NAV2: variants seen among roughly 807,000 people sequenced by gnomAD.
The protein encoded by NAV2 is helicase, APC down-regulated 1.
Under a neutral mutation model 223.2 loss-of-function variants are expected in NAV2, and 54 were observed. The ratio of observed to expected loss-of-function variants is 0.24; its 90% CI spans 0.19 to 0.30. NAV2 has a LOEUF of 0.30. Ranked by LOEUF, NAV2 falls within the 10% of genes least tolerant of loss-of-function variation. The pLI is 1.00. For synonymous variants in NAV2, 1,279 were observed against 1,239.3 expected (o/e 1.03, Z -0.67); for missense variants, 2,806 against 3,147.5 (o/e 0.89, Z 2.60).
intron 1 of NAV2, among the ~76,000 whole-genome samples, chr11:19,789,042 C>T (rs1484742823): frequency 6.6e-6 from 1 of 152,098 alleles, no homozygotes; most frequent in African/African-American, 2.4e-5. Context: ...CACTGAGAGG[C>T]ATAAGATAGG....
chr11:19,552,408 T>C (rs7947763), intron 1 of NAV2, among the ~76,000 whole-genome samples: 151,315 of 152,278 alleles, frequency 0.99, 75,183 homozygotes, highest in East Asian at 1. Context: ...AACCCAGGGG[T>C]TGTTCCATCG....
At chr11:19,359,470 T>C (rs1015119662) in intron 1 of NAV2, among the ~76,000 whole-genome samples, 1 of 152,200 alleles carries the variant, frequency 6.6e-6, no homozygotes, top group African/African-American at 2.4e-5. Flanking sequence ...GGCTCAGATG[T>C]ACCCAAAAGG....
chr11:20,061,172 T>A (rs2153622998), intron 19 of NAV2, among the ~76,000 whole-genome samples: 1 of 152,328 alleles, frequency 6.6e-6, no homozygotes, highest in South Asian at 2.1e-4. Flanking sequence ...TCAAACAAGT[T>A]GTCGAGAAGT....
At chr11:19,696,208 A>G (rs542083230) in intron 1 of NAV2, among the ~76,000 whole-genome samples, 1 of 152,324 alleles carries the variant, frequency 6.6e-6, no homozygotes. Flanking sequence ...CACCAACGCC[A>G]TTGTGCTAAG....
intron 1 of NAV2, among the ~76,000 whole-genome samples, chr11:19,765,483 C>T (rs1259651900): frequency 1.3e-5 from 2 of 150,712 alleles, no homozygotes; most frequent in Admixed American, 1.3e-4. Flanking sequence ...GTCTCCTTCT[C>T]CTTCTCCTTC....
chr11:20,108,832 TTTA>T (rs1469279876), intron 36 of NAV2, among the ~76,000 whole-genome samples: 1 of 152,210 alleles, frequency 6.6e-6, no homozygotes, highest in African/African-American at 2.4e-5. Context: ...TTGGGATAGT[TTTA>T]TTGTTGAGCC....
chr11:19,425,430 C>T (rs887000141), intron 1 of NAV2, among the ~76,000 whole-genome samples: 3 of 152,174 alleles, frequency 2.0e-5, no homozygotes, highest in African/African-American at 7.2e-5. Flanking sequence ...GTACTCTGTG[C>T]CCTGCTAGTC....
At position 19,811,303 on chromosome 11, in the gene NAV2, G is replaced by A. The variant is rs557871978; in HGVS notation, c.268-21181G>A. On this transcript the variant is annotated intron_variant, in intron 1 of 37. Transcript: ENST00000349880. ...GGATGGAGCTGTGTGGGTGGCCAAG[G>A]AGGAGGTCAGAGGGGGAGAAATGGC... Among the ~76,000 whole-genome samples, 7 of 152,248 alleles carry A rather than the reference G, an allele frequency of 4.6e-5. No individual in the cohort carries two copies. The East Asian group carries it at 1.2e-3, about 25-fold the overall frequency.
chr11:19,655,803 T>C (rs1355653703), intron 1 of NAV2, among the ~76,000 whole-genome samples: 1 of 150,106 alleles, frequency 6.7e-6, no homozygotes, highest in African/African-American at 2.4e-5. Context: ...AATGATGAGT[T>C]AATGGGTGCA....
chr11:19,567,314 T>C (rs917874544), intron 1 of NAV2, among the ~76,000 whole-genome samples: 13 of 152,202 alleles, frequency 8.5e-5, no homozygotes, highest in African/African-American at 3.1e-4. Context: ...AAGTGTAGTT[T>C]GCATCCTAAG....
At chr11:19,620,575 G>C (rs2046960629) in intron 1 of NAV2, among the ~76,000 whole-genome samples, 1 of 152,100 alleles carries the variant, frequency 6.6e-6, no homozygotes, top group African/African-American at 2.4e-5. Context: ...TGTTGTTGGT[G>C]TATAGGAATG....
intron 22 of NAV2, among the ~76,000 whole-genome samples, chr11:20,076,817 G>A (rs1004221051): frequency 6.6e-6 from 1 of 152,128 alleles, no homozygotes; most frequent in African/African-American, 2.4e-5. Flanking sequence ...ATAACTGGAA[G>A]CATTTAAAAA....
chr11:19,911,738 T>G (rs572382830), intron 6 of NAV2, among the ~76,000 whole-genome samples: 2 of 152,236 alleles, frequency 1.3e-5, no homozygotes, highest in Non-Finnish European at 2.9e-5. Flanking sequence ...AATTTCTTGG[T>G]GGGGGACAGA....
At chr11:20,030,073 A>G (rs947464094) in intron 11 of NAV2, among the ~76,000 whole-genome samples, 3 of 152,226 alleles carry the variant, frequency 2.0e-5, no homozygotes, top group African/African-American at 7.2e-5. Flanking sequence ...TCTGTGTCCC[A>G]TATTCCTGTT....
At chr11:19,453,755 C>G (rs1353116588) in intron 1 of NAV2, among the ~76,000 whole-genome samples, 1 of 152,162 alleles carries the variant, frequency 6.6e-6, no homozygotes, top group Non-Finnish European at 1.5e-5. Flanking sequence ...GAATCTAAAC[C>G]CTTCGCTGAT....
chr11:19,779,536 T>A (rs181704833), intron 1 of NAV2, among the ~76,000 whole-genome samples: 1 of 152,248 alleles, frequency 6.6e-6, no homozygotes, highest in Admixed American at 6.5e-5. Context: ...CTGTGTTCGT[T>A]GTGAAAGATT....
chr11:20,091,086 A>G lies in NAV2; in HGVS notation c.5652+68A>G, dbSNP rs2060811562. 3.2e-6 allele frequency: 5 copies of G among 1,558,496 alleles called. No homozygotes were observed. The South Asian group carries it at 5.7e-5, about 18-fold the overall frequency. On this transcript the variant is annotated intron_variant, in intron 27 of 37. Transcript: ENST00000349880. ...AAGGAGCTCCCAGAGGCTGCTCTCC[A>G]CTAAGCCCTGAGGGCTGCATCAGAA...
At chr11:20,070,448 G>A (rs2059328518) in intron 22 of NAV2, among the ~76,000 whole-genome samples, 1 of 152,218 alleles carries the variant, frequency 6.6e-6, no homozygotes, top group Non-Finnish European at 1.5e-5. Flanking sequence ...TGCCACAGGA[G>A]CCTCACCTTG....
Position 20,062,298 on chromosome 11 carries a change from T to C in NAV2, c.4832-9T>C, listed in dbSNP as rs1321605352. The C allele has an allele frequency of 1.2e-6, 2 of 1,604,974 alleles. No individual in the cohort carries two copies. Among genetic ancestry groups the C allele is most frequent in the Non-Finnish European group, 1.7e-6 (2 of 1,177,092 alleles). On this transcript the variant is annotated splice_polypyrimidine_tract_variant and intron_variant, in intron 19 of 37. Transcript: ENST00000349880. ...TCTATCAATTCACCTTTTTTTTTTCTTTTAATAGTTCATGGATCCTCACTC... is the reference window on the plus strand; with the variant it reads ...TCTATCAATTCACCTTTTTTTTTTCCTTTAATAGTTCATGGATCCTCACTC...
Sources: gnomAD v4.1 joint callset for allele counts (sites outside exome capture counted in the v4.1 genomes callset) on GRCh38, gnomAD v4.1.1 for gene constraint, MANE v1.5 for transcripts, NCBI Gene and HGNC (gene_info 2026-07-23, HGNC 2026-07-21) for gene names.